Variants in KCNN2 observed in about 807,000 individuals in gnomAD.
KCNN2 encodes the protein small conductance calcium-activated potassium channel protein 2.
In KCNN2, 24 loss-of-function variants were observed where a neutral mutation model predicts 55.5. The observed-to-expected ratio is 0.43, with a 90% CI of 0.31 to 0.61. KCNN2 has a LOEUF of 0.61. Ranked by LOEUF, KCNN2 falls within the 20% of genes least tolerant of loss-of-function variation. The pLI is 0.08. For missense variants in KCNN2, 754 were observed against 853.6 expected, an observed-to-expected ratio of 0.88 and a Z score of 1.45; for synonymous variants, 431 against 336.1, an observed-to-expected ratio of 1.28 and a Z score of -3.09.
intron 2 of KCNN2, among the ~76,000 whole-genome samples, chr5:114,284,656 T>C (rs13180778): frequency 6.6e-6 from 1 of 152,176 alleles, no homozygotes; most frequent in Admixed American, 6.5e-5. Flanking sequence ...TAGCTGGAAT[T>C]AAAGGAATGC....
intron 1 of KCNN2, among the ~76,000 whole-genome samples, chr5:114,094,990 T>A (rs1052745820): frequency 6.6e-6 from 1 of 152,184 alleles, no homozygotes; most frequent in African/African-American, 2.4e-5. Flanking sequence ...TGTTCTTTAC[T>A]ACTGCTTTAA....
At chr5:114,072,022 G>A (rs187314088) in intron 1 of KCNN2, among the ~76,000 whole-genome samples, 1 of 152,206 alleles carries the variant, frequency 6.6e-6, no homozygotes, top group Non-Finnish European at 1.5e-5. Flanking sequence ...GCTGGGCGTG[G>A]TGCCTCATGC....
intron 2 of KCNN2, among the ~76,000 whole-genome samples, chr5:114,250,660 G>T (rs1357851857): frequency 2.0e-5 from 3 of 152,150 alleles, no homozygotes; most frequent in Admixed American, 2.0e-4. Flanking sequence ...GTGATGTAAT[G>T]AAGTCTATGG....
intron 1 of KCNN2, among the ~76,000 whole-genome samples, chr5:114,157,945 C>T (rs1007902465): frequency 2.0e-5 from 3 of 151,234 alleles, no homozygotes; most frequent in African/African-American, 4.9e-5. Context: ...TTCTCCCATT[C>T]TGTAGGTTGC....
chr5:114,294,849 G>T (rs959331151), intron 2 of KCNN2, among the ~76,000 whole-genome samples: 5 of 152,034 alleles, frequency 3.3e-5, no homozygotes, highest in African/African-American at 1.2e-4. Flanking sequence ...TTATGAATCT[G>T]GGTGCTCCTG....
chr5:114,470,981 C>T (rs1313783498), intron 4 of KCNN2, among the ~76,000 whole-genome samples: 1 of 152,122 alleles, frequency 6.6e-6, no homozygotes, highest in African/African-American at 2.4e-5. Context: ...TAAAAACTAC[C>T]AATTTAAAAG....
chr5:114,295,950 G>A (rs1040304465), intron 2 of KCNN2, among the ~76,000 whole-genome samples: 1 of 152,074 alleles, frequency 6.6e-6, no homozygotes, highest in Non-Finnish European at 1.5e-5. Context: ...ATAACCTAAG[G>A]TGCCATGAAA....
chr5:114,254,326 A>G (rs1214374849), intron 2 of KCNN2, among the ~76,000 whole-genome samples: 2 of 152,210 alleles, frequency 1.3e-5, no homozygotes, highest in Non-Finnish European at 2.9e-5. Flanking sequence ...AAATCTTCCA[A>G]AGTACAATGT....
intron 2 of KCNN2, among the ~76,000 whole-genome samples, chr5:114,242,043 C>T (rs1754654997): frequency 6.6e-6 from 1 of 151,270 alleles, no homozygotes. Context: ...AGCCCCAGTT[C>T]CCACACGGTG....
intron 2 of KCNN2, among the ~76,000 whole-genome samples, chr5:114,377,904 A>C (rs921696994): frequency 6.6e-6 from 1 of 152,140 alleles, no homozygotes; most frequent in Non-Finnish European, 1.5e-5. Context: ...TTCTATTATT[A>C]TTATTCTGTC....
intron 1 of KCNN2, among the ~76,000 whole-genome samples, chr5:114,179,169 T>C (rs907037654): frequency 6.6e-6 from 1 of 152,220 alleles, no homozygotes; most frequent in African/African-American, 2.4e-5. Flanking sequence ...GGATATGGCT[T>C]AACTAAATGG....
chr5:114,261,497 A>G (rs1755107239), intron 2 of KCNN2, among the ~76,000 whole-genome samples: 1 of 152,196 alleles, frequency 6.6e-6, no homozygotes, highest in Admixed American at 6.5e-5. Context: ...CCTTTCACAC[A>G]AAGTGCTAAT....
intron 1 of KCNN2, among the ~76,000 whole-genome samples, chr5:114,163,509 T>A (rs1442589037): frequency 6.6e-6 from 1 of 152,222 alleles, no homozygotes. Flanking sequence ...GGATATTGAA[T>A]TTTATCAAAA....
At chr5:114,234,466 C>G (rs1754431921) in intron 2 of KCNN2, among the ~76,000 whole-genome samples, 1 of 152,132 alleles carries the variant, frequency 6.6e-6, no homozygotes, top group African/African-American at 2.4e-5. Context: ...TGCCATTTTT[C>G]TTTGTTCTCA....
chr5:114,336,333 G>A (rs935134569), intron 2 of KCNN2, among the ~76,000 whole-genome samples: 3 of 152,184 alleles, frequency 2.0e-5, no homozygotes, highest in Non-Finnish European at 2.9e-5. Flanking sequence ...AAAGTGAAAT[G>A]ATATCTAGGT....
At chr5:114,151,510 G>C (rs1018754808) in intron 1 of KCNN2, among the ~76,000 whole-genome samples, 1 of 151,216 alleles carries the variant, frequency 6.6e-6, no homozygotes, top group African/African-American at 2.4e-5. Context: ...GGCAATTTCA[G>C]TTGCAACAAA....
At chr5:114,230,267 C>CTTTTT (rs11432521) in intron 2 of KCNN2, among the ~76,000 whole-genome samples, 4 of 142,116 alleles carry the variant, frequency 2.8e-5, no homozygotes, top group African/African-American at 2.6e-5. Context: ...TAGTGATATT[C>CTTTTT]TTTTTTTTTT....
chr5:114,095,615 A>G (rs1245588375), intron 1 of KCNN2, among the ~76,000 whole-genome samples: 1 of 152,166 alleles, frequency 6.6e-6, no homozygotes, highest in Non-Finnish European at 1.5e-5. Flanking sequence ...TCCAGGGAGC[A>G]TGTTTTTAAG....
intron 2 of KCNN2, among the ~76,000 whole-genome samples, chr5:114,285,997 G>A (rs1755740638): frequency 6.7e-6 from 1 of 150,012 alleles, no homozygotes; most frequent in Non-Finnish European, 1.5e-5. Flanking sequence ...TCGACTCACA[G>A]CAACCTCCTC....
Sources: allele counts gnomAD v4.1 joint callset (sites outside exome capture counted in the v4.1 genomes callset), GRCh38; gene constraint gnomAD v4.1.1; transcripts MANE v1.5; gene names NCBI Gene and HGNC (gene_info 2026-07-23, HGNC 2026-07-21).